Variants in B9D1 observed in about 807,000 individuals in gnomAD.
B9D1 encodes B9 domain-containing protein 1.
Under a neutral mutation model 26.1 loss-of-function variants are expected in B9D1, and 20 were observed. The observed-to-expected ratio is 0.77, with a 90% CI of 0.54 to 1.12. The LOEUF (loss-of-function observed/expected upper bound fraction) is 1.12, where lower values mean the gene tolerates loss of function less well. Among genes scored for constraint, B9D1 ranks in the 50% most tolerant of loss-of-function variants. The pLI is 0.00. For synonymous variants in B9D1, 105 were observed against 103.1 expected (o/e 1.02, Z -0.11); for missense variants, 260 against 273.7 (o/e 0.95, Z 0.35).
chr17:19,372,536 A>G lies in B9D1; in HGVS notation c.-298+5323T>C, dbSNP rs139492075. Reference sequence around the variant, plus strand: ...GCTCGTCTATTAGGTCCTGACTTACATGTCACTTCCAGGGCCCCTTCCCGA... The same window carrying G: ...GCTCGTCTATTAGGTCCTGACTTACGTGTCACTTCCAGGGCCCCTTCCCGA... On this transcript the variant is annotated intron_variant, in intron 1 of 5. Transcript: ENST00000477478. This position sits in a 1 kb window ranked among gnomAD's most constrained non-coding sequence, Gnocchi z 4.4. 5.2e-3 allele frequency among the ~76,000 whole-genome samples: 786 copies of G among 151,914 alleles called. 3 individuals carry two copies. The highest frequency in any genetic ancestry group is 0.012 in the South Asian group (60 of 4,818).
chr17:19,362,453 A>G (rs2152278566), intron 1 of B9D1, 54 bp downstream of exon 1: 1 of 1,401,916 alleles, frequency 7.1e-7, no homozygotes, highest in Non-Finnish European at 9.6e-7. Flanking sequence ...GGTTGCGGGA[A>G]GGGCCCCGGG....
At chr17:19,335,739 T>C (rs1183957235), downstream of B9D1, 1 of 331,484 alleles carries the variant, frequency 3.0e-6, no homozygotes, top group East Asian at 4.6e-5. Flanking sequence ...AAAAAAGTCA[T>C]TCACCTGGGA....
chr17:19,340,452 C>T (rs1290306984), downstream of B9D1, among the ~76,000 whole-genome samples: 2 of 96 alleles, frequency 0.021, no homozygotes, highest in Non-Finnish European at 0.042. Flanking sequence ...GGATTACAGG[C>T]GTCAGCACCA....
At chr17:19,362,462 G>T in intron 1 of B9D1, 45 bp downstream of exon 1, 1 of 1,474,304 alleles carries the variant, frequency 6.8e-7, no homozygotes, top group Non-Finnish European at 9.1e-7. Flanking sequence ...AAGGGCCCCG[G>T]GGGACGCTGG....
At chr17:19,344,630 C>T (rs904162286) in intron 5 of B9D1, 7 of 179,556 alleles carry the variant, frequency 3.9e-5, no homozygotes, top group African/African-American at 1.7e-4. Context: ...CCACAGCTCC[C>T]AAGGTCCCCC....
chr17:19,343,197 A>T lies in B9D1; in HGVS notation c.*122T>A. 6.6e-7 allele frequency: 1 copy of T among 1,522,678 alleles called. No homozygotes were observed. Among genetic ancestry groups the T allele is most frequent in the Non-Finnish European group, 8.8e-7 (1 of 1,142,536 alleles). 94.3% of individuals were successfully genotyped at this position (1,522,678 alleles called of 1,614,324 possible). On this transcript the variant is annotated 3_prime_UTR_variant, in exon 7 of 7. Transcript: ENST00000261499. The stretch of plus-strand genomic sequence containing the variant: ...GGCTCTCTGAAAATGAGACTTTATT[A>T]TACAAAACTATTCTGTGTGCCCCCA...
chr17:19,367,697 T>G (rs746135273), upstream of B9D1, among the ~76,000 whole-genome samples: 3 of 152,244 alleles, frequency 2.0e-5, no homozygotes, highest in Non-Finnish European at 4.4e-5. Context: ...TTCTAGAAAG[T>G]CCTTCCTGCC....
In B9D1 at chr17:19,343,317, C is replaced by T. The variant is rs201986754; in HGVS notation, c.*2G>A. 3.3e-5 allele frequency: 53 copies of T among 1,614,170 alleles called. No individual in the cohort carries two copies. In the Admixed American group the frequency reaches 8.7e-4, roughly 26 times the overall value. Reference sequence around the variant, plus strand: ...TCAGAGACTGTGCAGCCTGTGGAGCCTTCACTGGGGGAAGCTCTGGGGTGG... The same window carrying T: ...TCAGAGACTGTGCAGCCTGTGGAGCTTTCACTGGGGGAAGCTCTGGGGTGG... On this transcript the variant is annotated 3_prime_UTR_variant, in exon 7 of 7. Transcript: ENST00000261499.
At chr17:19,369,393 G>A (rs1356566694) in intron 1 of B9D1, among the ~76,000 whole-genome samples, 1 of 152,158 alleles carries the variant, frequency 6.6e-6, no homozygotes, top group African/African-American at 2.4e-5. Flanking sequence ...AGCCACGGAA[G>A]GAATATTTAC....
At chr17:19,340,017 G>C (rs1313355711), downstream of B9D1, among the ~76,000 whole-genome samples, 1 of 141,618 alleles carries the variant, frequency 7.1e-6, no homozygotes, top group African/African-American at 2.7e-5. Context: ...CTCATGGAGG[G>C]GGTCCCACAT....
downstream of B9D1, among the ~76,000 whole-genome samples, chr17:19,342,703 C>G (rs1013163081): frequency 1.3e-5 from 2 of 152,158 alleles, no homozygotes; most frequent in East Asian, 1.9e-4. Flanking sequence ...CCCCAGCCAG[C>G]GGCCTCCCAC....
chr17:19,372,061 A>G lies in B9D1; in HGVS notation c.-298+5798T>C, dbSNP rs1334841474. The G allele has an allele frequency of 6.6e-6, 1 of 152,290 alleles. No individual in the cohort carries two copies. The highest frequency in any genetic ancestry group is 2.4e-5 in the African/African-American group (1 of 41,478). 9.4% of individuals were successfully genotyped at this position (152,290 alleles called of 1,614,324 possible). A position where few individuals can be genotyped will look rare whatever the true frequency, so the allele number is the denominator to read the frequency against. On this transcript the variant is annotated intron_variant, in intron 1 of 5. Coordinates refer to the B9D1 transcript ENST00000477478. This position sits in a 1 kb window ranked among gnomAD's most constrained non-coding sequence, Gnocchi z 4.4. The stretch of plus-strand genomic sequence containing the variant: ...CATTTTGTCACCTGTAACCAGGGAC[A>G]ATGATGCATCACCCGAGTCCCCCTC...
At chr17:19,337,730 C>T (rs1439516617), downstream of B9D1, 10 of 1,534,942 alleles carry the variant, frequency 6.5e-6, no homozygotes, top group South Asian at 3.6e-5. Context: ...CTATCTTTGA[C>T]AGACAGCCCT....
chr17:19,368,635 G>A (rs1256793147), intron 1 of B9D1, among the ~76,000 whole-genome samples: 2 of 152,110 alleles, frequency 1.3e-5, no homozygotes, highest in African/African-American at 2.4e-5. Context: ...GAAAAAAATC[G>A]TAGGTCTTTA....
downstream of B9D1, among the ~76,000 whole-genome samples, chr17:19,339,697 C>T (rs1907741379): frequency 6.6e-6 from 1 of 152,182 alleles, no homozygotes; most frequent in African/African-American, 2.4e-5. Flanking sequence ...CTGGGGTGCC[C>T]AGACTCAGGC....
chr17:19,343,941 G>T (rs955707928), intron 5 of B9D1, 84 bp from the exon 6 acceptor site: 1 of 1,590,892 alleles, frequency 6.3e-7, no homozygotes. Flanking sequence ...GGCTCTCCTC[G>T]GTTCAGAAAC....
At position 19,357,858 on chromosome 17, in the gene B9D1, T is replaced by G. The variant is rs2152273843; in HGVS notation, c.226A>C (p.Ser76Arg). ...WNFPIDVTFK[S>R]TNPYGWPQIV... ...GACTCACAGCCGTAGGGGTTGGTGC[T>G]TTTAAAGGTGACATCAATGGGGAAG... The change falls in exon 3 of 7, where the codon AGC (serine) becomes CGC (arginine). Residue 76 changes from serine to arginine, a missense_variant. By Grantham distance (110) the Ser-to-Arg change is moderately radical (BLOSUM62 -1). Coordinates refer to ENST00000261499, the MANE Select transcript of B9D1 (RefSeq NM_015681.6). 6.2e-7 allele frequency: 1 copy of G among 1,613,906 alleles called. No homozygotes were observed. Among genetic ancestry groups the G allele is most frequent in the Non-Finnish European group, 8.5e-7 (1 of 1,179,932 alleles).
rs1024813357 is a variant in B9D1, at chr17:19,347,939, A to G, written c.245-59T>C. The stretch of plus-strand genomic sequence containing the variant: ...AGGACACACAGGGGAGGTGCAGGGC[A>G]GAGAACAGGGCGTGTCCAGCTGAGG... On this transcript the variant is annotated intron_variant, in intron 3 of 6. Coordinates refer to ENST00000261499, the MANE Select transcript of B9D1 (RefSeq NM_015681.6). This position sits in a 1 kb window ranked among gnomAD's most constrained non-coding sequence, Gnocchi z 4.3. 13 of 1,462,362 alleles carry G rather than the reference A, an allele frequency of 8.9e-6. No individual in the cohort carries two copies. The highest frequency in any genetic ancestry group is 1.1e-5 in the Non-Finnish European group (12 of 1,046,206). 90.6% of individuals were successfully genotyped at this position (1,462,362 alleles called of 1,614,324 possible).
At chr17:19,346,941 A>T in intron 5 of B9D1, 1 of 1,472,902 alleles carries the variant, frequency 6.8e-7, no homozygotes, top group Admixed American at 2.4e-5. Flanking sequence ...TCTGACTCAT[A>T]CTGCTATATC....
Sources: allele counts gnomAD v4.1 joint callset (sites outside exome capture counted in the v4.1 genomes callset), GRCh38; gene constraint gnomAD v4.1.1; non-coding constraint Gnocchi (gnomAD v3.1); transcripts MANE v1.5; gene names NCBI Gene and HGNC (gene_info 2026-07-23, HGNC 2026-07-21).